The following SEL1L2 variants were observed in gnomAD, a reference collection of about 807,000 sequenced individuals.
The protein encoded by SEL1L2 is protein sel-1 homolog 2.
In SEL1L2, 89 loss-of-function variants were observed where a neutral mutation model predicts 98.8. The observed-to-expected ratio is 0.90, with a 90% CI of 0.76 to 1.07. The LOEUF (loss-of-function observed/expected upper bound fraction) is 1.07. Among genes scored for constraint, SEL1L2 ranks in the 50% least tolerant of loss-of-function variants. SEL1L2 has a pLI of 0.00. For missense variants in SEL1L2, 788 were observed against 812.0 expected (o/e 0.97, Z 0.36); for synonymous variants, 262 against 278.5 (o/e 0.94, Z 0.59).
intron 3 of SEL1L2, among the ~76,000 whole-genome samples, chr20:13,927,466 T>C (rs540377758): frequency 4.6e-5 from 7 of 152,332 alleles, no homozygotes; most frequent in African/African-American, 1.7e-4. Context: ...AATGGCTAAA[T>C]AGTTTTCTCT....
At chr20:13,863,675 A>G (rs983879618) in intron 17 of SEL1L2, among the ~76,000 whole-genome samples, 1 of 152,206 alleles carries the variant, frequency 6.6e-6, no homozygotes, top group Non-Finnish European at 1.5e-5. Context: ...TCAGTTTAAT[A>G]TCAATGTACT....
At chr20:13,908,850 G>T (rs2048093926) in intron 5 of SEL1L2, among the ~76,000 whole-genome samples, 1 of 152,184 alleles carries the variant, frequency 6.6e-6, no homozygotes, top group Non-Finnish European at 1.5e-5. Context: ...TGCATGAAAA[G>T]AAGTAATTAT....
intron 5 of SEL1L2, among the ~76,000 whole-genome samples, chr20:13,900,830 T>C (rs755094175): frequency 1.3e-5 from 2 of 152,200 alleles, no homozygotes; most frequent in Admixed American, 6.5e-5. Flanking sequence ...TTTATGGTCA[T>C]TGGGGGCTCA....
intron 1 of SEL1L2, among the ~76,000 whole-genome samples, chr20:13,984,390 T>C (rs1351513004): frequency 6.6e-6 from 1 of 152,212 alleles, no homozygotes; most frequent in Non-Finnish European, 1.5e-5. Context: ...TTGAATTTCA[T>C]GGTCACTTGC....
At chr20:13,969,484 G>T (rs181547927) in intron 1 of SEL1L2, among the ~76,000 whole-genome samples, 36 of 152,332 alleles carry the variant, frequency 2.4e-4, no homozygotes, top group Admixed American at 2.2e-3. Context: ...GATCATGGAT[G>T]TGAAAGTGCT....
chr20:13,973,020 G>A (rs776397119), intron 1 of SEL1L2, among the ~76,000 whole-genome samples: 11 of 151,948 alleles, frequency 7.2e-5, no homozygotes, highest in East Asian at 1.9e-4. Flanking sequence ...ATATTGTAAC[G>A]TTTGTATGTA....
chr20:13,866,682 C>G lies in SEL1L2; in HGVS notation c.1404+20G>C. 2 of 1,519,142 alleles carry G rather than the reference C, an allele frequency of 1.3e-6. No individual in the cohort carries two copies. The highest frequency in any genetic ancestry group is 2.2e-5 in the Admixed American group (1 of 44,652). 94.1% of individuals were successfully genotyped at this position (1,519,142 alleles called of 1,614,324 possible). On this transcript the variant is annotated intron_variant, in intron 15 of 19. Coordinates refer to ENST00000284951, the MANE Select transcript of SEL1L2 (RefSeq NM_025229.2). ...TCATATATGACAAGTGCTTTAAAAA[C>G]AGCCGCATATTATATTTACCTCCAC...
At chr20:13,924,964 T>C (rs1424619474) in intron 3 of SEL1L2, among the ~76,000 whole-genome samples, 4 of 151,800 alleles carry the variant, frequency 2.6e-5, no homozygotes, top group Admixed American at 1.3e-4. Context: ...CATGGTGAGA[T>C]CCTGTCTCTA....
At chr20:13,969,871 G>A (rs541125251) in intron 1 of SEL1L2, among the ~76,000 whole-genome samples, 169 of 152,196 alleles carry the variant, frequency 1.1e-3, no homozygotes, top group African/African-American at 3.8e-3. Context: ...CCTACCTGTA[G>A]GTCTCACTGG....
chr20:13,934,963 T>C (rs532465559), intron 2 of SEL1L2, among the ~76,000 whole-genome samples: 1 of 152,134 alleles, frequency 6.6e-6, no homozygotes, highest in Non-Finnish European at 1.5e-5. Context: ...CATCCTGCAC[T>C]CTCTAGTATA....
intron 2 of SEL1L2, among the ~76,000 whole-genome samples, chr20:13,941,666 T>G (rs2049781690): frequency 6.6e-6 from 1 of 152,224 alleles, no homozygotes. Context: ...ATGAGATTTT[T>G]GGAGGGAATC....
At chr20:13,983,810 T>G (rs571340560) in intron 1 of SEL1L2, among the ~76,000 whole-genome samples, 1 of 151,548 alleles carries the variant, frequency 6.6e-6, no homozygotes, top group East Asian at 2.0e-4. Context: ...TATGAACCAC[T>G]GTGGCCCGCC....
At chr20:13,969,733 C>T (rs1016723909) in intron 1 of SEL1L2, among the ~76,000 whole-genome samples, 9 of 152,180 alleles carry the variant, frequency 5.9e-5, no homozygotes, top group Admixed American at 1.3e-4. Context: ...TCCGAATATC[C>T]AATTGTTATT....
chr20:13,851,317 T>C (rs1363136899), intron 18 of SEL1L2: 1 of 152,176 alleles, frequency 6.6e-6, no homozygotes, highest in Non-Finnish European at 1.5e-5. Context: ...ATCTTCATAG[T>C]ACTTACCATA....
At chr20:13,856,407 G>A (rs1473268368) in intron 18 of SEL1L2, among the ~76,000 whole-genome samples, 1 of 152,214 alleles carries the variant, frequency 6.6e-6, no homozygotes, top group African/African-American at 2.4e-5. Context: ...TGGGATCACA[G>A]GCGTGAGCCA....
At position 13,853,867 on chromosome 20, in the gene SEL1L2, G is replaced by A. The variant is rs961626307; in HGVS notation, c.1819-3548C>T. On this transcript the variant is annotated intron_variant, in intron 18 of 19. Transcript: ENST00000284951. ...ATGGCTTCTATTTTGGAGCATTCTC[G>A]TTACTTGTAGAAATTTGTTCTGTAA... Among the ~76,000 whole-genome samples the A allele has an allele frequency of 3.3e-5, 5 of 152,090 alleles. 1 individual carries two copies. Among genetic ancestry groups the A allele is most frequent in the African/African-American group, 7.2e-5 (3 of 41,390 alleles).
rs558693789 is a variant in SEL1L2 at position 13,877,433 on chromosome 20, T to C, written c.1026+87A>G. ...TTTCCACCTCAACTTCCCAAGTAGC[T>C]GGGACAACAGGCACACGCTGCTATG... On this transcript the variant is annotated intron_variant, in intron 11 of 19. Transcript: ENST00000284951. 62 of 1,046,676 alleles carry C rather than the reference T, an allele frequency of 5.9e-5. No homozygotes were observed. The South Asian group carries it at 8.4e-4, about 14-fold the overall frequency. The allele number at this position is 1,046,676 out of a possible 1,614,324, so 64.8% of individuals were successfully genotyped here.
chr20:13,888,028 A>T (rs372603682), intron 6 of SEL1L2, 27 bp from the exon 7 acceptor site: 6 of 1,594,152 alleles, frequency 3.8e-6, no homozygotes, highest in Non-Finnish European at 4.3e-6. Flanking sequence ...CAAACAAAAA[A>T]CCCCCCAAAC....
At chr20:13,865,543 C>T in intron 15 of SEL1L2, 29 bp from the exon 16 acceptor site, 1 of 1,593,216 alleles carries the variant, frequency 6.3e-7, no homozygotes, top group Non-Finnish European at 8.6e-7. Flanking sequence ...ATCAAGGAGA[C>T]TAGTTAGCCA....
Sources: allele counts gnomAD v4.1 joint callset (sites outside exome capture counted in the v4.1 genomes callset), GRCh38; gene constraint gnomAD v4.1.1; transcripts MANE v1.5; gene names NCBI Gene and HGNC (gene_info 2026-07-23, HGNC 2026-07-21).